DAG1: variants seen among roughly 807,000 people sequenced by gnomAD.
DAG1 encodes dystroglycan 1, also known as dystroglycan 1 (dystrophin-associated glycoprotein 1).
In DAG1, 8 loss-of-function variants were observed where a neutral mutation model predicts 46.1. The observed-to-expected ratio is 0.17, with a 90% CI of 0.10 to 0.31. The LOEUF is 0.31. Among genes scored for constraint, DAG1 ranks in the 10% least tolerant of loss-of-function variants. The pLI, the probability that DAG1 is intolerant of heterozygous loss-of-function variation, is 1.00. For synonymous variants in DAG1, 495 were observed against 481.8 expected, an observed-to-expected ratio of 1.03 and a Z score of -0.36; for missense variants, 1,003 against 1,189.9, an observed-to-expected ratio of 0.84 and a Z score of 2.31.
intron 2 of DAG1, among the ~76,000 whole-genome samples, chr3:49,525,704 G>A (rs531105087): frequency 5.3e-5 from 8 of 151,548 alleles, no homozygotes; most frequent in African/African-American, 1.5e-4. Context: ...GACTACAGGC[G>A]CCCGCCACCT....
Position 49,532,791 on chromosome 3 carries a change from C to T in DAG1, c.2280C>T (p.Val760=), listed in dbSNP as rs569713204. The T allele has an allele frequency of 7.4e-6, 12 of 1,614,000 alleles. No homozygotes were observed. The highest frequency in any genetic ancestry group is 5.0e-5 in the Admixed American group (3 of 60,012). The change falls in exon 3 of 3, where the codon GTC becomes GTT. Residue 760 remains valine (V), a synonymous_variant. Coordinates refer to ENST00000308775, the MANE Select transcript of DAG1 (RefSeq NM_004393.6). This position sits in a 1 kb window ranked among gnomAD's most constrained non-coding sequence, Gnocchi z 5.4. ...ACACAGTCATTCCGGCCGTGGTGGT[C>T]GCAGCCATCCTGCTCATTGCTGGCA... ...YLHTVIPAVV[V]AAILLIAGII...
chr3:49,499,304 G>T (rs2050387149), intron 1 of DAG1, among the ~76,000 whole-genome samples: 1 of 152,170 alleles, frequency 6.6e-6, no homozygotes, highest in Non-Finnish European at 1.5e-5. Context: ...GGAGGCCGAG[G>T]CAGGAGGATC....
intron 2 of DAG1, among the ~76,000 whole-genome samples, chr3:49,519,301 C>G (rs1359046873): frequency 1.3e-5 from 2 of 152,182 alleles, no homozygotes; most frequent in Non-Finnish European, 2.9e-5. Flanking sequence ...TTGGTAGAGC[C>G]TGCAAGGATG....
chr3:49,497,115 A>T (rs2050334107), intron 1 of DAG1, among the ~76,000 whole-genome samples: 1 of 151,264 alleles, frequency 6.6e-6, no homozygotes. Context: ...CCTGGGCAAC[A>T]TAGTGAGACC....
At chr3:49,473,671 C>G (rs1286537760) in intron 1 of DAG1, among the ~76,000 whole-genome samples, 1 of 151,330 alleles carries the variant, frequency 6.6e-6, no homozygotes, top group East Asian at 2.0e-4. Context: ...CAACCTCCGC[C>G]TCCCAGGTTC....
intron 2 of DAG1, among the ~76,000 whole-genome samples, chr3:49,519,883 T>C (rs1177251251): frequency 6.6e-6 from 1 of 152,202 alleles, no homozygotes; most frequent in Non-Finnish European, 1.5e-5. Flanking sequence ...GGAAAAAGAC[T>C]AATTTTTGCT....
intron 2 of DAG1, among the ~76,000 whole-genome samples, chr3:49,516,873 C>T (rs1248066862): frequency 1.3e-5 from 2 of 151,780 alleles, no homozygotes; most frequent in African/African-American, 4.8e-5. Flanking sequence ...TTCTTTGAGC[C>T]GTTCAGCAGA....
intron 2 of DAG1, among the ~76,000 whole-genome samples, chr3:49,517,244 C>T (rs1438194670): frequency 2.0e-5 from 3 of 152,068 alleles, no homozygotes; most frequent in East Asian, 1.9e-4. Context: ...CCGCCCGCCT[C>T]GGCCTCCCAA....
intron 1 of DAG1, among the ~76,000 whole-genome samples, chr3:49,489,098 CT>C (rs562212219): frequency 3.6e-3 from 497 of 139,992 alleles, no homozygotes; most frequent in Non-Finnish European, 4.3e-3. Flanking sequence ...TGTGAATTAC[CT>C]TTTTTTTTTT....
intron 1 of DAG1, among the ~76,000 whole-genome samples, chr3:49,503,827 C>CAAAA (rs57105506): frequency 7.6e-6 from 1 of 130,844 alleles, no homozygotes; most frequent in African/African-American, 2.9e-5. Context: ...GACCCTGTCT[C>CAAAA]AAAAAAAAAA....
intron 1 of DAG1, among the ~76,000 whole-genome samples, chr3:49,496,353 C>CTTTT (rs752449720): frequency 1.1e-4 from 9 of 84,126 alleles, no homozygotes; most frequent in Admixed American, 1.6e-4. Flanking sequence ...AAATTTTTAA[C>CTTTT]TTTTTTTTTT....
chr3:49,483,225 G>A (rs1441721738), intron 1 of DAG1, among the ~76,000 whole-genome samples: 15 of 143,564 alleles, frequency 1.0e-4, no homozygotes, highest in Non-Finnish European at 1.5e-5. Flanking sequence ...TTTCTTTTGA[G>A]ACAGTTTTAG....
At chr3:49,510,987 T>A in intron 2 of DAG1, 168 bp downstream of exon 2, 2 of 984,090 alleles carry the variant, frequency 2.0e-6, no homozygotes, top group Non-Finnish European at 2.4e-6. Context: ...CCCTATATAC[T>A]CAGAATAGCA....
At chr3:49,513,242 T>G (rs2050809723) in intron 2 of DAG1, among the ~76,000 whole-genome samples, 1 of 152,204 alleles carries the variant, frequency 6.6e-6, no homozygotes, top group Non-Finnish European at 1.5e-5. Flanking sequence ...TAGCTGGGGC[T>G]GTTGGTCAGT....
At chr3:49,530,420 A>T (rs2051307496) in intron 2 of DAG1, among the ~76,000 whole-genome samples, 1 of 152,150 alleles carries the variant, frequency 6.6e-6, no homozygotes, top group South Asian at 2.1e-4. Flanking sequence ...GAGGGCTGGA[A>T]TGTGACTTGA....
intron 1 of DAG1, among the ~76,000 whole-genome samples, chr3:49,506,048 C>T (rs560015207): frequency 1.3e-4 from 19 of 147,574 alleles, no homozygotes; most frequent in Admixed American, 4.8e-4. Context: ...GGCTTGATCT[C>T]GGCTCACTAC....
At chr3:49,487,523 C>T (rs367892973) in intron 1 of DAG1, 4 of 152,294 alleles carry the variant, frequency 2.6e-5, no homozygotes, top group African/African-American at 9.6e-5. Context: ...TTCTGCCCTT[C>T]ATGTGCTCAG....
chr3:49,501,705 T>C (rs150197383), intron 1 of DAG1, among the ~76,000 whole-genome samples: 111 of 151,282 alleles, frequency 7.3e-4, no homozygotes, highest in Non-Finnish European at 1.2e-3. Context: ...CCCAGCTACT[T>C]GGGAGGCTGA....
rs2049686480 is a variant in DAG1, at chr3:49,476,472, T to G, written c.-117+6039T>G. 2.0e-5 allele frequency among the ~76,000 whole-genome samples: 3 copies of G among 152,060 alleles called. No individual in the cohort carries two copies. In the South Asian group the frequency reaches 6.2e-4, roughly 32 times the overall value. On this transcript the variant is annotated intron_variant, in intron 1 of 2. Transcript: ENST00000308775. ...TGGGCGTGGTGGCGCACACCTGTAATCCAAGCTGCTTGGTAGGCTGAGGCA... is the reference window on the plus strand; with the variant it reads ...TGGGCGTGGTGGCGCACACCTGTAAGCCAAGCTGCTTGGTAGGCTGAGGCA...
Sources: gnomAD v4.1 joint callset for allele counts (sites outside exome capture counted in the v4.1 genomes callset) on GRCh38, gnomAD v4.1.1 for gene constraint, Gnocchi (gnomAD v3.1) non-coding constraint, MANE v1.5 for transcripts, NCBI Gene and HGNC (gene_info 2026-07-23, HGNC 2026-07-21) for gene names.